The following SLTM variants were observed in gnomAD, a reference collection of about 807,000 sequenced individuals.
SLTM encodes SAFB like transcription modulator, also known as SAFB-like transcription modulator.
Under a neutral mutation model 134.6 loss-of-function variants are expected in SLTM, and 43 were observed. The ratio of observed to expected loss-of-function variants is 0.32; its 90% CI spans 0.25 to 0.41. SLTM has a LOEUF of 0.41. Among genes scored for constraint, SLTM ranks in the 10% least tolerant of loss-of-function variants. The pLI is 1.00. For missense variants in SLTM, 1,055 were observed against 1,288.8 expected (o/e 0.82, Z 2.78); for synonymous variants, 424 against 432.3 (o/e 0.98, Z 0.24).
intron 2 of SLTM, among the ~76,000 whole-genome samples, chr15:58,926,325 T>C (rs2037463991): frequency 6.6e-6 from 1 of 152,176 alleles, no homozygotes; most frequent in Non-Finnish European, 1.5e-5. Flanking sequence ...CCATGTATGG[T>C]GTGAATCTAT....
intron 17 of SLTM, 97 bp downstream of exon 17, chr15:58,888,288 A>T: frequency 9.8e-7 from 1 of 1,020,698 alleles, no homozygotes; most frequent in Non-Finnish European, 1.4e-6. Context: ...CTGAGCATTC[A>T]GTTCTGACCT....
At chr15:58,888,664 T>C in intron 16 of SLTM, 109 bp from the exon 17 acceptor site, 1 of 1,037,806 alleles carries the variant, frequency 9.6e-7, no homozygotes, top group Non-Finnish European at 1.4e-6. Flanking sequence ...ATAACAGGGC[T>C]AGTAAACTCA....
At chr15:58,932,139 A>C (rs868567303) in intron 2 of SLTM, 2 of 461,190 alleles carry the variant, frequency 4.3e-6, no homozygotes, top group African/African-American at 3.9e-5. Context: ...GCAATAAAGA[A>C]CTGTTCTCAC....
chr15:58,913,771 T>A, intron 3 of SLTM, 75 bp from the exon 4 acceptor site: 1 of 1,082,494 alleles, frequency 9.2e-7, no homozygotes, highest in Non-Finnish European at 1.4e-6. Context: ...TTTTGGTAAT[T>A]TACACCTTTA....
intron 19 of SLTM, 151 bp downstream of exon 19, chr15:58,886,824 T>G: frequency 1.1e-6 from 1 of 947,416 alleles, no homozygotes. Flanking sequence ...AAATTCAGAT[T>G]TTAAAAATTT....
chr15:58,899,521 C>T lies in SLTM; in HGVS notation c.1006G>A (p.Asp336Asn), dbSNP rs1445300527. ...KKAESGDKEK[D>N]TLKKGPSSTG... Reference sequence around the variant, plus strand: ...GACGAGGGCCCTTTCTTCAAAGTATCCTTTTCTTTGTCTCCAGATTCTGCT... The same window carrying T: ...GACGAGGGCCCTTTCTTCAAAGTATTCTTTTCTTTGTCTCCAGATTCTGCT... Residue 336 changes from aspartate (D) to asparagine (N), a missense_variant, in exon 7 of 21, where the codon GAT becomes AAT. Around this residue, in one of 3 missense-constraint regions of SLTM, gnomAD observed 776 missense variants for 962.2 expected, o/e 0.81. Coordinates refer to ENST00000380516, the MANE Select transcript of SLTM (RefSeq NM_024755.4). This position sits in a 1 kb window ranked among gnomAD's most constrained non-coding sequence, Gnocchi z 5.0. 1.2e-6 allele frequency: 2 copies of T among 1,613,990 alleles called. No individual in the cohort carries two copies. The highest frequency in any genetic ancestry group is 1.7e-6 in the Non-Finnish European group (2 of 1,180,008).
chr15:58,928,838 G>A (rs979175753), intron 2 of SLTM, among the ~76,000 whole-genome samples: 3 of 151,936 alleles, frequency 2.0e-5, no homozygotes, highest in Non-Finnish European at 2.9e-5. Flanking sequence ...TTACCTCTAC[G>A]TAATCCCCTT....
At chr15:58,927,559 T>C (rs760668234) in intron 2 of SLTM, among the ~76,000 whole-genome samples, 6 of 152,192 alleles carry the variant, frequency 3.9e-5, no homozygotes, top group Admixed American at 1.3e-4. Flanking sequence ...GCGTGAGCCA[T>C]GCGCCTGGCC....
At position 58,893,066 on chromosome 15, in the gene SLTM, G is replaced by GA. The variant is rs748098575; in HGVS notation, c.1735-7dup. 1.3e-6 allele frequency: 2 copies of GA among 1,565,904 alleles called. No individual in the cohort carries two copies. Among genetic ancestry groups the GA allele is most frequent in the Admixed American group, 2.2e-5 (1 of 45,486 alleles). ...TCCTTACTTCTTCCATGAATCTGTA[G>GA]AAAAAAATTAGAAGAACACTAGAAA... is the stretch of plus-strand genomic sequence containing the variant. On this transcript the variant is annotated splice_polypyrimidine_tract_variant and splice_region_variant and intron_variant, in intron 13 of 20. Coordinates refer to ENST00000380516, the MANE Select transcript of SLTM (RefSeq NM_024755.4).
At chr15:58,880,410 G>A (rs2033601297) in intron 20 of SLTM, among the ~76,000 whole-genome samples, 1 of 152,142 alleles carries the variant, frequency 6.6e-6, no homozygotes, top group African/African-American at 2.4e-5. Flanking sequence ...TACAGCAGCA[G>A]ATCTCTTAAG....
intron 9 of SLTM, among the ~76,000 whole-genome samples, chr15:58,895,602 G>A (rs913655296): frequency 3.3e-5 from 5 of 152,166 alleles, no homozygotes; most frequent in Admixed American, 6.5e-5. Context: ...CCCTAGGAAA[G>A]GCTGATTTGC....
At chr15:58,888,268 G>A in intron 17 of SLTM, 117 bp downstream of exon 17, 3 of 805,264 alleles carry the variant, frequency 3.7e-6, no homozygotes, top group Non-Finnish European at 5.6e-6. Flanking sequence ...CAAAAACCAC[G>A]TAAATTGTTC....
At chr15:58,888,673 C>G (rs1595840541) in intron 16 of SLTM, 118 bp from the exon 17 acceptor site, 1 of 848,372 alleles carries the variant, frequency 1.2e-6, no homozygotes, top group South Asian at 1.9e-5. Flanking sequence ...CTAGTAAACT[C>G]AAGACATAAC....
chr15:58,923,695 C>A (rs1391618097), intron 2 of SLTM, among the ~76,000 whole-genome samples: 5 of 152,044 alleles, frequency 3.3e-5, no homozygotes, highest in Non-Finnish European at 1.5e-5. Flanking sequence ...ATAGTTTCAC[C>A]TCTTTTGTCC....
chr15:58,910,065 CTG>C (rs553738501), intron 5 of SLTM, among the ~76,000 whole-genome samples: 258 of 152,206 alleles, frequency 1.7e-3, no homozygotes, highest in Middle Eastern at 3.4e-3. Flanking sequence ...TGAATCCTAA[CTG>C]TATGTTTCAT....
chr15:58,916,360 G>A (rs2036650543), intron 3 of SLTM, among the ~76,000 whole-genome samples: 1 of 152,092 alleles, frequency 6.6e-6, no homozygotes, highest in Admixed American at 6.5e-5. Flanking sequence ...TTTTAGTAGA[G>A]ATGGGGTTTT....
chr15:58,887,579 C>T, intron 17 of SLTM, 39 bp from the exon 18 acceptor site: 1 of 1,559,162 alleles, frequency 6.4e-7, no homozygotes, highest in Non-Finnish European at 8.6e-7. Context: ...CCAAGAAGTG[C>T]TTACTTGAGT....
chr15:58,913,385 G>A, intron 4 of SLTM, 114 bp downstream of exon 4: 1 of 863,832 alleles, frequency 1.2e-6, no homozygotes, highest in Non-Finnish European at 1.7e-6. Context: ...AGTAGCTTTA[G>A]TAACACATCT....
rs1428890182 is a variant in SLTM at position 58,933,535 on chromosome 15, A to C, written c.31T>G (p.Ser11Ala). 1 of 1,596,106 alleles carries C rather than the reference A, an allele frequency of 6.3e-7. No homozygotes were observed. The highest frequency in any genetic ancestry group is 1.1e-5 in the South Asian group (1 of 89,118). ...CCTTCCGCCTGACCCGAGGCGGCCG[A>C]GGCTGCCACCGCACCGGTAGCGGCA... Reference protein sequence around the residue: MAAATGAVAASAASGQAEGKK... With the variant: MAAATGAVAAAAASGQAEGKK... The change falls in exon 1 of 21, where the codon TCG becomes GCG. Residue 11 changes from serine to alanine, a missense_variant. Ser to Ala is a moderately conservative substitution (Grantham distance 99, BLOSUM62 1). Around this residue, in one of 3 missense-constraint regions of SLTM, gnomAD observed 268 missense variants for 284.3 expected, o/e 0.94. Transcript: ENST00000380516.
Sources: gnomAD v4.1 joint callset for allele counts (sites outside exome capture counted in the v4.1 genomes callset) on GRCh38, gnomAD v4.1.1 for gene constraint, gnomAD v4.1.1 regional missense constraint, Gnocchi (gnomAD v3.1) non-coding constraint, MANE v1.5 for transcripts, NCBI Gene and HGNC (gene_info 2026-07-23, HGNC 2026-07-21) for gene names.